SPHKAP: variants seen among roughly 807,000 people sequenced by gnomAD.
The protein encoded by SPHKAP is A-kinase anchor protein SPHKAP.
Under a neutral mutation model 137.5 loss-of-function variants are expected in SPHKAP, and 67 were observed. The observed-to-expected ratio is 0.49, with a 90% confidence interval of 0.40 to 0.60. The LOEUF (loss-of-function observed/expected upper bound fraction) is 0.60. Among genes scored for constraint, SPHKAP ranks in the 20% least tolerant of loss-of-function variants. SPHKAP has a pLI of 0.00. For synonymous variants in SPHKAP, 813 were observed against 785.3 expected (o/e 1.04, Z -0.59); for missense variants, 2,097 against 2,069.3 (o/e 1.01, Z -0.26).
At chr2:228,131,336 T>C in intron 2 of SPHKAP, 1 of 982,454 alleles carries the variant, frequency 1.0e-6, no homozygotes, top group Non-Finnish European at 1.2e-6. Flanking sequence ...CAGCAAACAG[T>C]GACAAAAGCA....
In SPHKAP at chr2:228,017,102, A is replaced by G; in HGVS notation, c.3752T>C (p.Val1251Ala). The G allele has an allele frequency of 6.2e-7, 1 of 1,614,056 alleles. No individual in the cohort carries two copies. Among genetic ancestry groups the G allele is most frequent in the Non-Finnish European group, 8.5e-7 (1 of 1,180,006 alleles). The change falls in exon 7 of 12, where the codon GTG becomes GCG. Residue 1251 changes from valine to alanine, a missense_variant. Transcript: ENST00000392056. Reference protein sequence around the residue: ...DSRSPCSRLTVNVPIKANSLD... With the variant: ...DSRSPCSRLTANVPIKANSLD... ...AGAGTTGGCTTTGATGGGCACATTC[A>G]CTGTCAGCCTGGAGCATGGGGATCT...
intron 3 of SPHKAP, among the ~76,000 whole-genome samples, chr2:228,047,248 T>C (rs1696093890): frequency 6.6e-6 from 1 of 152,238 alleles, no homozygotes; most frequent in South Asian, 2.1e-4. Context: ...AGCAGATCAC[T>C]TGAGGTCAGG....
chr2:228,018,923 T>C lies in SPHKAP; in HGVS notation c.1931A>G (p.Asn644Ser), dbSNP rs1394113706. 4 of 1,614,048 alleles carry C rather than the reference T, an allele frequency of 2.5e-6. No individual in the cohort carries two copies. The highest frequency in any genetic ancestry group is 3.4e-6 in the Non-Finnish European group (4 of 1,180,016). Residue 644 changes from asparagine (N) to serine (S), a missense_variant, in exon 7 of 12, where the codon AAC becomes AGC. Coordinates refer to ENST00000392056, the MANE Select transcript of SPHKAP (RefSeq NM_001142644.2). Reference protein sequence around the residue: ...SSIGDFLDSMNRRIMETASKS... With the variant: ...SSIGDFLDSMSRRIMETASKS... ...TGAAGCAGTTTCCATGATTCTCCTG[T>C]TCATGGAGTCCAGAAAGTCTCCAAT...
chr2:227,987,967 G>A (rs879477648), intron 11 of SPHKAP, among the ~76,000 whole-genome samples: 1 of 152,164 alleles, frequency 6.6e-6, no homozygotes, highest in Non-Finnish European at 1.5e-5. Flanking sequence ...TCTGGACTTT[G>A]TAGAGACTTT....
chr2:228,059,771 C>T (rs1471378520), intron 3 of SPHKAP, among the ~76,000 whole-genome samples: 1 of 152,170 alleles, frequency 6.6e-6, no homozygotes, highest in African/African-American at 2.4e-5. Context: ...CTCAGTGTTA[C>T]AGGGAGTACA....
At chr2:228,072,994 G>A (rs767101109) in intron 3 of SPHKAP, among the ~76,000 whole-genome samples, 1 of 152,232 alleles carries the variant, frequency 6.6e-6, no homozygotes, top group Non-Finnish European at 1.5e-5. Flanking sequence ...CACAAACTGT[G>A]TGAGCATAAT....
intron 7 of SPHKAP, among the ~76,000 whole-genome samples, chr2:228,007,787 G>T (rs1694197647): frequency 6.6e-6 from 1 of 152,022 alleles, no homozygotes; most frequent in Non-Finnish European, 1.5e-5. Flanking sequence ...TTTTGACAAA[G>T]GTGCCAAAAA....
chr2:228,095,393 A>C (rs186004017), intron 3 of SPHKAP, among the ~76,000 whole-genome samples: 1 of 152,332 alleles, frequency 6.6e-6, no homozygotes, highest in Non-Finnish European at 1.5e-5. Context: ...GGGAAAACAG[A>C]AGTTCAGGTT....
At chr2:227,985,476 A>G (rs1693179296) in intron 11 of SPHKAP, among the ~76,000 whole-genome samples, 1 of 152,186 alleles carries the variant, frequency 6.6e-6, no homozygotes, top group Non-Finnish European at 1.5e-5. Flanking sequence ...TAGAGCTCTC[A>G]CTGTGCCTGT....
At chr2:228,166,211 C>T (rs148387196) in intron 1 of SPHKAP, among the ~76,000 whole-genome samples, 4 of 152,234 alleles carry the variant, frequency 2.6e-5, no homozygotes, top group African/African-American at 9.6e-5. Flanking sequence ...TGTTTACATA[C>T]AATTTTGAAG....
At position 228,138,537 on chromosome 2, in the gene SPHKAP, T is replaced by C. The variant is rs373812194; in HGVS notation, c.33-6452A>G. ...GCAAATTAAATATGTCACCAACTCATTGGTAGCTGAAAGACCTACAAAATC... is the reference window on the plus strand; with the variant it reads ...GCAAATTAAATATGTCACCAACTCACTGGTAGCTGAAAGACCTACAAAATC... On this transcript the variant is annotated intron_variant, in intron 1 of 11. Transcript: ENST00000392056. Among the ~76,000 whole-genome samples, 470 of 152,332 alleles carry C rather than the reference T, an allele frequency of 3.1e-3. 3 individuals are homozygous for C. The highest frequency in any genetic ancestry group is 0.015 in the South Asian group (73 of 4,822).
chr2:228,021,441 G>A (rs1304463745), intron 6 of SPHKAP, among the ~76,000 whole-genome samples: 1 of 152,130 alleles, frequency 6.6e-6, no homozygotes, highest in East Asian at 1.9e-4. Context: ...CAGGCAGGAG[G>A]ATTTTCCTTT....
At chr2:228,056,427 G>T (rs1480346033) in intron 3 of SPHKAP, among the ~76,000 whole-genome samples, 2 of 152,110 alleles carry the variant, frequency 1.3e-5, no homozygotes, top group Admixed American at 1.3e-4. Flanking sequence ...GGTTGTCTTT[G>T]GTTGGGAGCT....
At chr2:227,994,084 T>C (rs997757457) in intron 8 of SPHKAP, 1 of 985,388 alleles carries the variant, frequency 1.0e-6, no homozygotes. Context: ...GTTCTCCCTT[T>C]GACATTTGGG....
At chr2:228,026,182 A>ATCCAATAAACCTCTTTCTTATAAG (rs1011448383) in intron 4 of SPHKAP, among the ~76,000 whole-genome samples, 2 of 152,122 alleles carry the variant, frequency 1.3e-5, no homozygotes, top group South Asian at 2.1e-4. Context: ...GGAACTGTAA[A>ATCCAATAAACCTCTTTCTTATAAG]TCCAATAAAC....
chr2:228,155,593 AG>A (rs1700084535), intron 1 of SPHKAP, among the ~76,000 whole-genome samples: 1 of 152,170 alleles, frequency 6.6e-6, no homozygotes, highest in South Asian at 2.1e-4. Flanking sequence ...TGAGCAGATG[AG>A]GAGTTTCCTC....
chr2:228,177,399 G>A (rs1700775568), intron 1 of SPHKAP, among the ~76,000 whole-genome samples: 1 of 152,154 alleles, frequency 6.6e-6, no homozygotes, highest in Non-Finnish European at 1.5e-5. Context: ...CCACAGCTCA[G>A]TGCTGGCCTT....
Position 228,017,112 on chromosome 2 carries a change from T to C in SPHKAP, c.3742A>G (p.Arg1248Gly), listed in dbSNP as rs202107456. Residue 1248 changes from arginine (R) to glycine (G), a missense_variant, in exon 7 of 12, where the codon AGG becomes GGG. By Grantham distance (125) the Arg-to-Gly change is moderately radical (BLOSUM62 -2). Coordinates refer to ENST00000392056, the MANE Select transcript of SPHKAP (RefSeq NM_001142644.2). ...TTGATGGGCACATTCACTGTCAGCC[T>C]GGAGCATGGGGATCTGCTGTCTGGC... Reference protein sequence around the residue: ...SMPDSRSPCSRLTVNVPIKAN... With the variant: ...SMPDSRSPCSGLTVNVPIKAN... 25 of 1,614,104 alleles carry C rather than the reference T, an allele frequency of 1.5e-5. No homozygotes were observed. In the Admixed American group the frequency reaches 3.7e-4, roughly 24 times the overall value.
At chr2:227,982,051 A>ATTTTTTTTTTTTTTTTTTTTTTTTT (rs3082640) in intron 11 of SPHKAP, 191 bp from the exon 12 acceptor site, 2 of 860,744 alleles carry the variant, frequency 2.3e-6, no homozygotes, top group African/African-American at 1.9e-5. Context: ...CATCAAGTGA[A>ATTTTTTTTTTTTTTTTTTTTTTTTT]TTTTTTTTTT....
Sources: gnomAD v4.1 joint callset for allele counts (sites outside exome capture counted in the v4.1 genomes callset) on GRCh38, gnomAD v4.1.1 for gene constraint, MANE v1.5 for transcripts, NCBI Gene and HGNC (gene_info 2026-07-23, HGNC 2026-07-21) for gene names.